MACROD2: variants seen among roughly 807,000 people sequenced by gnomAD.
MACROD2 encodes ADP-ribose glycohydrolase MACROD2.
A neutral mutation model predicts 70.4 loss-of-function variants in MACROD2; 36 were observed. That is an observed-to-expected ratio of 0.51 (90% CI 0.39 to 0.68). The LOEUF (loss-of-function observed/expected upper bound fraction) is 0.68, where lower values mean the gene tolerates loss of function less well. MACROD2 is among the 30% of genes least tolerant of loss of function. The pLI is 0.00. For synonymous variants in MACROD2, 172 were observed against 178.8 expected (o/e 0.96, Z 0.30); for missense variants, 496 against 538.4 (o/e 0.92, Z 0.78).
At chr20:14,737,662 G>T (rs2071683735) in intron 5 of MACROD2, among the ~76,000 whole-genome samples, 1 of 152,112 alleles carries the variant, frequency 6.6e-6, no homozygotes, top group Non-Finnish European at 1.5e-5. Context: ...GGCTTGAGAT[G>T]GTGTCTCATT....
intron 13 of MACROD2, among the ~76,000 whole-genome samples, chr20:15,971,880 A>G (rs1314816706): frequency 1.3e-5 from 2 of 152,180 alleles, no homozygotes; most frequent in Non-Finnish European, 2.9e-5. Context: ...ACAGGAAAAG[A>G]AAAGTTGATA....
At chr20:14,162,754 G>A (rs1035729877) in intron 3 of MACROD2, among the ~76,000 whole-genome samples, 1 of 151,810 alleles carries the variant, frequency 6.6e-6, no homozygotes, top group Non-Finnish European at 1.5e-5. Context: ...TGTCTTTACA[G>A]GAAAGATGAG....
chr20:16,021,020 C>T (rs1293529317), intron 15 of MACROD2, among the ~76,000 whole-genome samples: 1 of 152,122 alleles, frequency 6.6e-6, no homozygotes, highest in African/African-American at 2.4e-5. Context: ...CTCTCAGTAG[C>T]TTACTCATCC....
intron 5 of MACROD2, among the ~76,000 whole-genome samples, chr20:15,144,810 G>A (rs563201574): frequency 9.2e-5 from 14 of 152,258 alleles, no homozygotes; most frequent in Non-Finnish European, 1.9e-4. Context: ...CTGGAAAAGC[G>A]GTTGCTGTCC....
At chr20:15,676,082 C>A (rs1297083480) in intron 8 of MACROD2, among the ~76,000 whole-genome samples, 2 of 152,170 alleles carry the variant, frequency 1.3e-5, no homozygotes, top group African/African-American at 4.8e-5. Context: ...CCTGTACTCA[C>A]TCATGAGCTT....
chr20:14,451,683 G>C (rs970142975), intron 3 of MACROD2, among the ~76,000 whole-genome samples: 15 of 152,154 alleles, frequency 9.9e-5, no homozygotes, highest in African/African-American at 3.6e-4. Context: ...CAAGGCAGTG[G>C]CTGGAGGCCA....
chr20:14,146,914 C>T (rs1447713217), intron 3 of MACROD2, among the ~76,000 whole-genome samples: 1 of 152,180 alleles, frequency 6.6e-6, no homozygotes, highest in Admixed American at 6.5e-5. Flanking sequence ...ATAGAGAATA[C>T]AGTGGCCCAG....
chr20:14,344,247 G>A (rs1282659550), intron 3 of MACROD2, among the ~76,000 whole-genome samples: 2 of 152,166 alleles, frequency 1.3e-5, no homozygotes, highest in Non-Finnish European at 2.9e-5. Flanking sequence ...AGCATTTATT[G>A]CCCCTTGGGA....
chr20:15,664,009 T>G (rs2049861210), intron 8 of MACROD2, among the ~76,000 whole-genome samples: 1 of 152,216 alleles, frequency 6.6e-6, no homozygotes, highest in Admixed American at 6.5e-5. Flanking sequence ...ACTCACAGTC[T>G]GCAATGAGAA....
chr20:14,682,727 A>G (rs1419045136), intron 4 of MACROD2, among the ~76,000 whole-genome samples: 1 of 152,074 alleles, frequency 6.6e-6, no homozygotes. Flanking sequence ...CCAAGTTTTC[A>G]CTATTGTAAA....
At chr20:15,102,956 G>A (rs1461925282) in intron 5 of MACROD2, among the ~76,000 whole-genome samples, 7 of 152,012 alleles carry the variant, frequency 4.6e-5, no homozygotes. Flanking sequence ...TTTACATTAT[G>A]ATGCCTTTAT....
At chr20:14,487,076 A>G (rs543972451) in intron 3 of MACROD2, among the ~76,000 whole-genome samples, 1 of 152,320 alleles carries the variant, frequency 6.6e-6, no homozygotes, top group South Asian at 2.1e-4. Flanking sequence ...ACAGAAAACT[A>G]TTCCTAAAGA....
chr20:14,153,637 A>C lies in MACROD2; in HGVS notation c.271+67909A>C, dbSNP rs969362751. On this transcript the variant is annotated intron_variant, in intron 3 of 17. Transcript: ENST00000684519. ...TGCTTTCTGATTGTGTAAAACTGAA[A>C]ATAATTAACTGGAAAATGATCAAGG... Among the ~76,000 whole-genome samples the C allele has an allele frequency of 3.9e-5, 6 of 152,234 alleles. No homozygotes were observed. The East Asian group carries it at 1.2e-3, about 29-fold the overall frequency.
chr20:14,618,949 T>TTTAATTAAAAAATACTTCTTG (rs1433916573), intron 4 of MACROD2, among the ~76,000 whole-genome samples: 1 of 152,100 alleles, frequency 6.6e-6, no homozygotes, highest in Non-Finnish European at 1.5e-5. Flanking sequence ...TACTTGTAAA[T>TTTAATTAAAAAATACTTCTTG]TTAATTAAAA....
intron 5 of MACROD2, among the ~76,000 whole-genome samples, chr20:15,070,969 C>G (rs2075615040): frequency 6.6e-6 from 1 of 150,632 alleles, no homozygotes; most frequent in Non-Finnish European, 1.5e-5. Context: ...AATTAGTGAT[C>G]AGCAAGCAAC....
rs145877740 is a variant in MACROD2, at chr20:15,521,229, T to C, written c.645+21382T>C. ...AATTATAATTATAATTAAGAGTGGG[T>C]TGGTTTTCTTTTCGGTTTGCCTTCT... is the stretch of plus-strand genomic sequence containing the variant. On this transcript the variant is annotated intron_variant, in intron 8 of 17. Coordinates refer to ENST00000684519, the MANE Select transcript of MACROD2 (RefSeq NM_001351661.2). 1.5e-3 allele frequency among the ~76,000 whole-genome samples: 235 copies of C among 152,182 alleles called. 1 individual carries two copies. The highest frequency in any genetic ancestry group is 3.0e-3 in the Non-Finnish European group (206 of 68,002).
intron 5 of MACROD2, among the ~76,000 whole-genome samples, chr20:14,761,441 C>T (rs1385693826): frequency 2.0e-5 from 3 of 151,988 alleles, no homozygotes; most frequent in Non-Finnish European, 2.9e-5. Flanking sequence ...AGCATCATAC[C>T]CCGACTGGTG....
intron 8 of MACROD2, among the ~76,000 whole-genome samples, chr20:15,594,352 G>A (rs767669641): frequency 6.6e-6 from 1 of 152,078 alleles, no homozygotes; most frequent in Non-Finnish European, 1.5e-5. Flanking sequence ...ATCTGACTTA[G>A]CCATTACTCC....
intron 15 of MACROD2, among the ~76,000 whole-genome samples, chr20:16,040,914 C>G (rs1720471791): frequency 6.6e-6 from 1 of 151,972 alleles, no homozygotes; most frequent in Admixed American, 6.6e-5. Context: ...GTAGGTTGTT[C>G]TGAGGAAATC....
Sources: allele counts gnomAD v4.1 joint callset (sites outside exome capture counted in the v4.1 genomes callset), GRCh38; gene constraint gnomAD v4.1.1; transcripts MANE v1.5; gene names NCBI Gene and HGNC (gene_info 2026-07-23, HGNC 2026-07-21).